Variants in SLC30A7 observed in about 807,000 individuals in gnomAD.
SLC30A7 encodes zinc transporter 7.
Under a neutral mutation model 46.0 loss-of-function variants are expected in SLC30A7, and 35 were observed. The observed-to-expected ratio is 0.76, with a 90% CI of 0.58 to 1.01. The LOEUF (loss-of-function observed/expected upper bound fraction) is 1.01. SLC30A7 is among the 50% of genes least tolerant of loss of function. The pLI is 0.00. For synonymous variants in SLC30A7, 147 were observed against 157.8 expected, an observed-to-expected ratio of 0.93 and a Z score of 0.51; for missense variants, 464 against 451.1, an observed-to-expected ratio of 1.03 and a Z score of -0.26.
chr1:100,907,374 A>G (rs1428231224), intron 3 of SLC30A7, among the ~76,000 whole-genome samples: 8 of 151,924 alleles, frequency 5.3e-5, no homozygotes, highest in Admixed American at 2.0e-4. Flanking sequence ...CTCTGCTTTT[A>G]TGTAACAGTT....
At chr1:100,984,472 T>C (rs1657156147), downstream of SLC30A7, among the ~76,000 whole-genome samples, 1 of 152,172 alleles carries the variant, frequency 6.6e-6, no homozygotes, top group South Asian at 2.1e-4. Flanking sequence ...TTGGATCTGA[T>C]TCTATTTAGC....
At chr1:100,939,877 G>A (rs930180499) in intron 8 of SLC30A7, among the ~76,000 whole-genome samples, 1 of 151,386 alleles carries the variant, frequency 6.6e-6, no homozygotes, top group Non-Finnish European at 1.5e-5. Flanking sequence ...ACATGTCAAT[G>A]CTTTTTGTGT....
At chr1:100,940,836 A>G (rs964677999) in intron 8 of SLC30A7, among the ~76,000 whole-genome samples, 4 of 152,212 alleles carry the variant, frequency 2.6e-5, no homozygotes, top group African/African-American at 9.6e-5. Flanking sequence ...ATTAATCACA[A>G]ATATAGTTTT....
rs1457900653 is a variant in SLC30A7, at chr1:100,921,836, TGTAAG to T, written c.842+1_842+5del. 3.1e-6 allele frequency: 5 copies of T among 1,612,120 alleles called. No individual in the cohort carries two copies. The highest frequency in any genetic ancestry group is 4.2e-6 in the Non-Finnish European group (5 of 1,179,482). On this transcript the variant is annotated frameshift_variant and splice_region_variant, in exon 8 of 11. Coordinates refer to ENST00000357650, the MANE Select transcript of SLC30A7 (RefSeq NM_133496.5). LOFTEE classifies it high-confidence loss of function. ...CAATTCTTATAGCCATTCTTATAGT[TGTAAG>T]GTAAGTGTTATTGTTACTTTCAAGT...
chr1:100,925,030 A>G (rs1038061084), intron 8 of SLC30A7, among the ~76,000 whole-genome samples: 2 of 152,258 alleles, frequency 1.3e-5, no homozygotes, highest in Non-Finnish European at 2.9e-5. Flanking sequence ...AATGCCAAAT[A>G]GTTATTTGTA....
chr1:100,905,374 C>T (rs958092299), intron 2 of SLC30A7, among the ~76,000 whole-genome samples: 10 of 151,808 alleles, frequency 6.6e-5, no homozygotes, highest in East Asian at 1.9e-4. Context: ...TGGTTTGTGA[C>T]GTGTGGAGGG....
intron 4 of SLC30A7, 123 bp from the exon 5 acceptor site, chr1:100,911,989 G>T: frequency 1.2e-6 from 1 of 829,250 alleles, no homozygotes; most frequent in South Asian, 2.0e-5. Context: ...TGTTTTGGGA[G>T]ATTTTTTTTA....
chr1:100,988,678 T>G, the SLC30A7 span, among the ~76,000 whole-genome samples: 1 of 151,728 alleles, frequency 6.6e-6, no homozygotes, highest in African/African-American at 2.4e-5. Context: ...AAACCCCATC[T>G]CTACACACAC....
intron 3 of SLC30A7, 129 bp from the exon 4 acceptor site, chr1:100,910,934 A>G: frequency 1.5e-6 from 1 of 654,752 alleles, no homozygotes; most frequent in Non-Finnish European, 2.6e-6. Flanking sequence ...CTGTACTATA[A>G]ACACTAGGGC....
rs769521587 is a variant in SLC30A7 at position 100,918,112 on chromosome 1, A to T, written c.691A>T (p.Arg231Ter). 6.2e-7 allele frequency: 1 copy of T among 1,612,842 alleles called. No homozygotes were observed. The highest frequency in any genetic ancestry group is 1.1e-5 in the South Asian group (1 of 90,942). ...PSLKETTGPS[R>*]QILQGVFLHI... is the part of the protein sequence containing the mutation. The stretch of plus-strand genomic sequence containing the variant: ...CTTAAAAGAAACAACAGGACCCAGC[A>T]GACAGATTTTACAAGGTATGACAAG... Residue 231 changes from arginine (R) to a stop codon, truncating the protein, a stop_gained, in exon 7 of 11, where the codon AGA becomes TGA. Coordinates refer to ENST00000357650, the MANE Select transcript of SLC30A7 (RefSeq NM_133496.5). LOFTEE classifies it high-confidence loss of function.
intron 6 of SLC30A7, among the ~76,000 whole-genome samples, chr1:100,914,401 A>C (rs1447331083): frequency 6.6e-6 from 1 of 152,188 alleles, no homozygotes; most frequent in Non-Finnish European, 1.5e-5. Context: ...GCATTTTAGG[A>C]AATGAAAATC....
At chr1:100,968,577 TA>T (rs1655989189) in intron 10 of SLC30A7, among the ~76,000 whole-genome samples, 1 of 152,210 alleles carries the variant, frequency 6.6e-6, no homozygotes, top group Non-Finnish European at 1.5e-5. Flanking sequence ...AACAGACTTT[TA>T]AAGTCTGTCT....
Position 100,977,749 on chromosome 1 carries a change from T to C in SLC30A7, c.*2892T>C, listed in dbSNP as rs557366010. On this transcript the variant is annotated 3_prime_UTR_variant, in exon 11 of 11. Transcript: ENST00000357650. ...TATACTATCTTTGGTTTTGTTTTTT[T>C]GTTTTTTTTGTTTGTTTGTATTAGA... 79 of 152,310 alleles carry C rather than the reference T, an allele frequency of 5.2e-4. No individual in the cohort carries two copies. Among genetic ancestry groups the C allele is most frequent in the African/African-American group, 1.9e-3 (77 of 41,566 alleles). The allele number at this position is 152,310 out of a possible 1,614,324, so 9.4% of individuals were successfully genotyped here.
intron 2 of SLC30A7, among the ~76,000 whole-genome samples, chr1:100,900,560 C>T (rs1198459168): frequency 1.3e-5 from 2 of 152,102 alleles, no homozygotes; most frequent in Non-Finnish European, 1.5e-5. Flanking sequence ...CTTTTGCTTT[C>T]CTATAATTTT....
At chr1:100,967,912 G>T (rs1174441428) in intron 10 of SLC30A7, among the ~76,000 whole-genome samples, 1 of 152,146 alleles carries the variant, frequency 6.6e-6, no homozygotes, top group Non-Finnish European at 1.5e-5. Context: ...AATTGTATGG[G>T]TGGTTAAATT....
the SLC30A7 span, chr1:100,989,797 CA>C: frequency 1.3e-5 from 2 of 152,340 alleles, no homozygotes; most frequent in African/African-American, 4.8e-5. Flanking sequence ...ATGATTCTGT[CA>C]GTGGATGTCT....
At chr1:100,944,205 C>T (rs1030564950) in intron 8 of SLC30A7, among the ~76,000 whole-genome samples, 11 of 152,094 alleles carry the variant, frequency 7.2e-5, no homozygotes, top group South Asian at 2.1e-4. Flanking sequence ...CACACCACCA[C>T]GCCTGGCTAA....
At chr1:100,953,557 A>G (rs1282202944) in intron 8 of SLC30A7, among the ~76,000 whole-genome samples, 3 of 152,100 alleles carry the variant, frequency 2.0e-5, no homozygotes, top group Non-Finnish European at 4.4e-5. Context: ...TTGCCTAAAG[A>G]GCTTGTTCTC....
At chr1:100,919,572 A>G (rs1300738078) in intron 7 of SLC30A7, among the ~76,000 whole-genome samples, 1 of 152,190 alleles carries the variant, frequency 6.6e-6, no homozygotes, top group East Asian at 1.9e-4. Context: ...CTGAAATAAC[A>G]TATAATCATG....
Sources: allele counts gnomAD v4.1 joint callset (sites outside exome capture counted in the v4.1 genomes callset), GRCh38; gene constraint gnomAD v4.1.1; transcripts MANE v1.5; gene names NCBI Gene and HGNC (gene_info 2026-07-23, HGNC 2026-07-21).